Variants in PSPC1 observed in about 807,000 individuals in gnomAD.
PSPC1 encodes the protein paraspeckle component 1.
A neutral mutation model predicts 51.6 loss-of-function variants in PSPC1; 14 were observed. The observed-to-expected ratio is 0.27, with a 90% CI of 0.18 to 0.42. The LOEUF is 0.42. Among genes scored for constraint, PSPC1 ranks in the 10% least tolerant of loss-of-function variants. PSPC1 has a pLI of 1.00. For missense variants in PSPC1, 406 were observed against 701.1 expected (o/e 0.58, Z 4.75); for synonymous variants, 193 against 231.9 (o/e 0.83, Z 1.53).
intron 1 of PSPC1, 122 bp from the exon 2 acceptor site, chr13:19,772,665 T>C: frequency 1.1e-6 from 1 of 886,576 alleles, no homozygotes; most frequent in Non-Finnish European, 1.7e-6. Flanking sequence ...AATTTGATTT[T>C]GTATCTTTTA....
In PSPC1 at chr13:19,782,914, C is replaced by A; in HGVS notation, c.-157G>T. 1.3e-6 allele frequency: 1 copy of A among 742,934 alleles called. No individual in the cohort carries two copies. Among genetic ancestry groups the A allele is most frequent in the Non-Finnish European group, 1.9e-6 (1 of 513,410 alleles). 46.0% of individuals were successfully genotyped at this position (742,934 alleles called of 1,614,324 possible). On this transcript the variant is annotated 5_prime_UTR_variant, in exon 1 of 9. The change creates a premature stop within an existing upstream ORF in the 5' untranslated region. Coordinates refer to ENST00000338910, the MANE Select transcript of PSPC1 (RefSeq NM_001354909.2). This position sits in a 1 kb window ranked among gnomAD's most constrained non-coding sequence, Gnocchi z 4.5. ...GTCGGCAACCCGTCCTCCCCCAACT[C>A]ACGCCCGCTGCAGCTGCACATTCAA...
chr13:19,733,786 A>AATAT (rs777146075), intron 5 of PSPC1, among the ~76,000 whole-genome samples: 2,380 of 141,810 alleles, frequency 0.017, 21 homozygotes, highest in Middle Eastern at 0.064. Flanking sequence ...AAGAAAAAAA[A>AATAT]ATATATATAT....
intron 3 of PSPC1, among the ~76,000 whole-genome samples, chr13:19,752,541 C>T (rs1341837523): frequency 6.6e-6 from 1 of 151,952 alleles, no homozygotes; most frequent in Non-Finnish European, 1.5e-5. Flanking sequence ...AGGTACAAGA[C>T]ACCACACCTG....
At chr13:19,749,544 T>C (rs555406077) in intron 4 of PSPC1, among the ~76,000 whole-genome samples, 4 of 145,532 alleles carry the variant, frequency 2.7e-5, no homozygotes, top group Admixed American at 6.9e-5. Flanking sequence ...AAAAAAAAAA[T>C]CTCTCTTCCA....
intron 6 of PSPC1, among the ~76,000 whole-genome samples, chr13:19,725,233 T>C (rs985873116): frequency 3.3e-5 from 5 of 152,156 alleles, no homozygotes; most frequent in Non-Finnish European, 7.4e-5. Context: ...AGTGACTCTT[T>C]ACCATTTCTT....
chr13:19,761,914 A>G (rs1184058027), intron 2 of PSPC1, among the ~76,000 whole-genome samples: 1 of 152,230 alleles, frequency 6.6e-6, no homozygotes, highest in Non-Finnish European at 1.5e-5. Context: ...ATCCCCCTTC[A>G]GAGAAACTTC....
intron 4 of PSPC1, among the ~76,000 whole-genome samples, chr13:19,743,017 T>C (rs1488702491): frequency 1.3e-5 from 2 of 152,066 alleles, no homozygotes; most frequent in Admixed American, 6.6e-5. Context: ...ATTTCCACTA[T>C]CACCAATCCC....
intron 1 of PSPC1, among the ~76,000 whole-genome samples, chr13:19,776,591 T>G (rs1458377950): frequency 6.6e-6 from 1 of 151,706 alleles, no homozygotes; most frequent in Non-Finnish European, 1.5e-5. Context: ...CACTGCAAGC[T>G]CCGCCTCCTG....
At chr13:19,757,883 C>A (rs577255592) in intron 3 of PSPC1, among the ~76,000 whole-genome samples, 8 of 152,242 alleles carry the variant, frequency 5.3e-5, no homozygotes, top group Middle Eastern at 6.8e-3. Context: ...GAGAACAGAA[C>A]TGGAGGCAGT....
At chr13:19,748,298 T>G (rs1379784647) in intron 4 of PSPC1, among the ~76,000 whole-genome samples, 1 of 151,960 alleles carries the variant, frequency 6.6e-6, no homozygotes, top group East Asian at 1.9e-4. Context: ...TTAAACAAAC[T>G]ACAACTGAAA....
At chr13:19,781,176 A>G (rs956954514) in intron 1 of PSPC1, among the ~76,000 whole-genome samples, 2 of 147,498 alleles carry the variant, frequency 1.4e-5, no homozygotes, top group Non-Finnish European at 3.0e-5. Context: ...CGTAAACCTT[A>G]GCAATTTTTG....
At chr13:19,757,113 G>A (rs911552678) in intron 3 of PSPC1, among the ~76,000 whole-genome samples, 1 of 145,714 alleles carries the variant, frequency 6.9e-6, no homozygotes, top group African/African-American at 2.5e-5. Flanking sequence ...CTGGGCAATG[G>A]AGTGAGACTC....
At chr13:19,745,139 A>T (rs1885834079) in intron 4 of PSPC1, among the ~76,000 whole-genome samples, 1 of 152,058 alleles carries the variant, frequency 6.6e-6, no homozygotes, top group Non-Finnish European at 1.5e-5. Context: ...CCAACATGGC[A>T]AAATACTGTC....
chr13:19,702,324 C>G (rs897183420), downstream of PSPC1, among the ~76,000 whole-genome samples: 29 of 152,182 alleles, frequency 1.9e-4, no homozygotes, highest in Admixed American at 1.2e-3. Context: ...AATCACACAG[C>G]AAATCCTCAC....
At chr13:19,678,398 G>A (rs1454216494) in intron 6 of PSPC1, 1 of 152,644 alleles carries the variant, frequency 6.6e-6, no homozygotes, top group Non-Finnish European at 1.5e-5. Context: ...ACAGGTTTAT[G>A]TGTACAGTTA....
intron 6 of PSPC1, among the ~76,000 whole-genome samples, chr13:19,680,231 T>C (rs1344669224): frequency 2.0e-5 from 3 of 152,170 alleles, no homozygotes; most frequent in Non-Finnish European, 4.4e-5. Flanking sequence ...GCCAGGCTGC[T>C]CTCGAACTCC....
chr13:19,742,480 T>C (rs1202921161), intron 4 of PSPC1, among the ~76,000 whole-genome samples: 1 of 151,970 alleles, frequency 6.6e-6, no homozygotes, highest in East Asian at 1.9e-4. Flanking sequence ...GCCTCACAGG[T>C]GGAATCTCAA....
intron 3 of PSPC1, among the ~76,000 whole-genome samples, chr13:19,755,815 AT>A (rs1196629210): frequency 1.3e-5 from 2 of 152,176 alleles, no homozygotes; most frequent in Non-Finnish European, 2.9e-5. Context: ...ACTTTAAAAT[AT>A]CATGTTCATA....
intron 3 of PSPC1, among the ~76,000 whole-genome samples, chr13:19,758,702 G>C (rs558561235): frequency 3.9e-5 from 6 of 151,910 alleles, no homozygotes; most frequent in South Asian, 4.1e-4. Flanking sequence ...GGGCGTGGTG[G>C]CGCACACCTG....
Sources: gnomAD v4.1 joint callset for allele counts (sites outside exome capture counted in the v4.1 genomes callset) on GRCh38, gnomAD v4.1.1 for gene constraint, Gnocchi (gnomAD v3.1) non-coding constraint, MANE v1.5 for transcripts, NCBI Gene and HGNC (gene_info 2026-07-23, HGNC 2026-07-21) for gene names.